GRM3: variants seen among roughly 807,000 people sequenced by gnomAD.
GRM3 encodes the protein glutamate metabotropic receptor 3.
Under a neutral mutation model 70.5 loss-of-function variants are expected in GRM3, and 26 were observed. The observed-to-expected ratio is 0.37, with a 90% CI of 0.27 to 0.51. GRM3 has a LOEUF of 0.51. Ranked by LOEUF, GRM3 falls within the 20% of genes least tolerant of loss-of-function variation. The pLI, the probability that GRM3 is intolerant of heterozygous loss-of-function variation, is 0.93. For missense variants in GRM3, 859 were observed against 1,123.8 expected (o/e 0.76, Z 3.37); for synonymous variants, 443 against 434.9 (o/e 1.02, Z -0.23).
intron 3 of GRM3, among the ~76,000 whole-genome samples, chr7:86,825,067 T>G (rs1338952398): frequency 2.0e-5 from 3 of 152,086 alleles, no homozygotes; most frequent in African/African-American, 7.2e-5. Flanking sequence ...GGAGAAAATT[T>G]TTATTCTTTT....
In GRM3 at chr7:86,739,993, C is replaced by T. The variant is rs117338078; in HGVS notation, c.-140-25013C>T. 5.8e-4 allele frequency among the ~76,000 whole-genome samples: 88 copies of T among 152,172 alleles called. 1 individual carries two copies. The East Asian group carries it at 6.8e-3, about 12-fold the overall frequency. The stretch of plus-strand genomic sequence containing the variant: ...ACAGTGCTTGTGTTAATAAGATGTG[C>T]GTGCTAAAATTGTGAGCATTCAAAA... On this transcript the variant is annotated intron_variant, in intron 1 of 5. Coordinates refer to ENST00000361669, the MANE Select transcript of GRM3 (RefSeq NM_000840.3).
At chr7:86,762,348 G>T (rs551484965) in intron 1 of GRM3, among the ~76,000 whole-genome samples, 2 of 152,158 alleles carry the variant, frequency 1.3e-5, no homozygotes, top group Admixed American at 6.6e-5. Flanking sequence ...TAAACAAACA[G>T]ACAAAACATA....
chr7:86,755,486 G>A (rs1796323644), intron 1 of GRM3, among the ~76,000 whole-genome samples: 2 of 152,038 alleles, frequency 1.3e-5, no homozygotes, highest in African/African-American at 2.4e-5. Flanking sequence ...GATGGGAGAG[G>A]GTAGGTGGAG....
chr7:86,767,514 CATATAT>C (rs3057233), intron 2 of GRM3, among the ~76,000 whole-genome samples: 10,623 of 98,290 alleles, frequency 0.11, 490 homozygotes, highest in Non-Finnish European at 0.14. Flanking sequence ...GGTCATACTT[CATATAT>C]ATATATATAT....
intron 1 of GRM3, among the ~76,000 whole-genome samples, chr7:86,680,700 G>T (rs921823316): frequency 6.6e-6 from 1 of 152,116 alleles, no homozygotes; most frequent in East Asian, 1.9e-4. Context: ...CCCAGACAGT[G>T]CAAGAACTGT....
chr7:86,666,924 C>T (rs1794041850), intron 1 of GRM3, among the ~76,000 whole-genome samples: 1 of 152,094 alleles, frequency 6.6e-6, no homozygotes, highest in Non-Finnish European at 1.5e-5. Flanking sequence ...TGTTGTATAA[C>T]TTAACTACCC....
intron 1 of GRM3, among the ~76,000 whole-genome samples, chr7:86,701,273 A>T (rs1392506974): frequency 6.6e-6 from 1 of 151,954 alleles, no homozygotes; most frequent in Non-Finnish European, 1.5e-5. Flanking sequence ...AACACCTGCT[A>T]GTCTATTAAG....
chr7:86,645,432 C>G (rs553620828), intron 1 of GRM3, among the ~76,000 whole-genome samples: 1 of 152,172 alleles, frequency 6.6e-6, no homozygotes, highest in Non-Finnish European at 1.5e-5. Flanking sequence ...CCCTTTGCTC[C>G]TTTTGGCTTG....
intron 1 of GRM3, among the ~76,000 whole-genome samples, chr7:86,660,660 AATTATATCT>A (rs1295097588): frequency 1.4e-5 from 2 of 143,978 alleles, no homozygotes; most frequent in East Asian, 4.1e-4. Flanking sequence ...ACTTAGTAAA[AATTATATCT>A]ATTTTGAATA....
intron 1 of GRM3, among the ~76,000 whole-genome samples, chr7:86,735,539 T>C (rs1432632345): frequency 2.0e-5 from 3 of 152,332 alleles, no homozygotes; most frequent in African/African-American, 7.2e-5. Context: ...AGCAGGTTTT[T>C]AAAATATATT....
chr7:86,853,792 T>C (rs1400985079), intron 5 of GRM3, among the ~76,000 whole-genome samples: 2 of 152,194 alleles, frequency 1.3e-5, no homozygotes, highest in African/African-American at 4.8e-5. Flanking sequence ...TATATGATTA[T>C]CTCTTACAGT....
At chr7:86,671,427 A>G (rs551881820) in intron 1 of GRM3, among the ~76,000 whole-genome samples, 1 of 152,348 alleles carries the variant, frequency 6.6e-6, no homozygotes, top group Admixed American at 6.5e-5. Flanking sequence ...AGCACATAGT[A>G]AAAGCACAAT....
At chr7:86,705,234 T>G (rs1317140247) in intron 1 of GRM3, among the ~76,000 whole-genome samples, 1 of 151,988 alleles carries the variant, frequency 6.6e-6, no homozygotes, top group Non-Finnish European at 1.5e-5. Flanking sequence ...TCTTTTAAAT[T>G]ACCTGCCTTT....
intron 3 of GRM3, among the ~76,000 whole-genome samples, chr7:86,838,010 G>C (rs1037725160): frequency 5.3e-5 from 8 of 152,304 alleles, no homozygotes; most frequent in African/African-American, 1.9e-4. Context: ...CTGGAAGAGA[G>C]GAAGCATGTA....
At chr7:86,741,793 A>G (rs1795997258) in intron 1 of GRM3, among the ~76,000 whole-genome samples, 2 of 152,320 alleles carry the variant, frequency 1.3e-5, no homozygotes, top group South Asian at 4.1e-4. Flanking sequence ...GATGATTGCT[A>G]AGGACCATTT....
At chr7:86,747,230 G>A (rs960220726) in intron 1 of GRM3, among the ~76,000 whole-genome samples, 1 of 151,984 alleles carries the variant, frequency 6.6e-6, no homozygotes, top group East Asian at 1.9e-4. Flanking sequence ...ACTCAACAAA[G>A]CATGTTTTAT....
chr7:86,667,087 A>G (rs993801053), intron 1 of GRM3, among the ~76,000 whole-genome samples: 3 of 152,162 alleles, frequency 2.0e-5, no homozygotes, highest in African/African-American at 7.2e-5. Context: ...GCAACTTATC[A>G]AATCAAAGAC....
At chr7:86,663,023 T>C (rs1793933444) in intron 1 of GRM3, among the ~76,000 whole-genome samples, 1 of 151,882 alleles carries the variant, frequency 6.6e-6, no homozygotes, top group Non-Finnish European at 1.5e-5. Context: ...CTTAATACAA[T>C]TGATGAATAT....
chr7:86,661,668 A>T (rs1248201607), intron 1 of GRM3, among the ~76,000 whole-genome samples: 1 of 151,988 alleles, frequency 6.6e-6, no homozygotes, highest in Non-Finnish European at 1.5e-5. Flanking sequence ...AATTACTCTG[A>T]ATCAAATGAC....
Sources: gnomAD v4.1 joint callset for allele counts (sites outside exome capture counted in the v4.1 genomes callset) on GRCh38, gnomAD v4.1.1 for gene constraint, MANE v1.5 for transcripts, NCBI Gene and HGNC (gene_info 2026-07-23, HGNC 2026-07-21) for gene names.